SYNCRIP: variants seen among roughly 807,000 people sequenced by gnomAD.
The protein encoded by SYNCRIP is synaptotagmin binding cytoplasmic RNA interacting protein.
In SYNCRIP, 9 loss-of-function variants were observed where a neutral mutation model predicts 68.9. The observed-to-expected ratio is 0.13, with a 90% confidence interval of 0.08 to 0.23. The LOEUF is 0.23. SYNCRIP is among the 10% of genes least tolerant of loss of function. The pLI, the probability that SYNCRIP is intolerant of heterozygous loss-of-function variation, is 1.00. For synonymous variants in SYNCRIP, 258 were observed against 254.0 expected (o/e 1.02, Z -0.15); for missense variants, 414 against 770.6 (o/e 0.54, Z 5.48).
chr6:85,617,282 T>C (rs1562077530), intron 10 of SYNCRIP, among the ~76,000 whole-genome samples: 1 of 152,002 alleles, frequency 6.6e-6, no homozygotes. Flanking sequence ...CCTTTTCAAA[T>C]ATTAACAGAT....
At chr6:85,642,394 G>A (rs1426377720) in intron 1 of SYNCRIP, among the ~76,000 whole-genome samples, 1 of 152,178 alleles carries the variant, frequency 6.6e-6, no homozygotes, top group Non-Finnish European at 1.5e-5. Flanking sequence ...CAGCGTGAGG[G>A]CGTTCAGCGG....
At chr6:85,619,481 C>T (rs886255082) in intron 8 of SYNCRIP, 64 bp from the exon 9 acceptor site, 25 of 1,421,030 alleles carry the variant, frequency 1.8e-5, no homozygotes, top group African/African-American at 1.2e-4. Context: ...GATACCACCA[C>T]CCCACCCTAC....
intron 4 of SYNCRIP, among the ~76,000 whole-genome samples, chr6:85,638,880 G>A (rs1399994282): frequency 1.3e-5 from 2 of 152,108 alleles, no homozygotes; most frequent in Admixed American, 1.3e-4. Flanking sequence ...CTCTAAAAAT[G>A]TCTCTATGCC....
downstream of SYNCRIP, chr6:85,611,485 T>C (rs570198768): frequency 7.2e-5 from 11 of 152,584 alleles, no homozygotes; most frequent in Non-Finnish European, 1.5e-4. Flanking sequence ...TCGTGGTGCC[T>C]ATTGGGTATG....
At chr6:85,630,357 T>C (rs932125742) in intron 6 of SYNCRIP, among the ~76,000 whole-genome samples, 1 of 152,124 alleles carries the variant, frequency 6.6e-6, no homozygotes. Flanking sequence ...CGAGACTCCA[T>C]CTCAAAAACA....
intron 9 of SYNCRIP, 66 bp from the exon 10 acceptor site, chr6:85,619,005 G>T: frequency 6.7e-7 from 1 of 1,486,790 alleles, no homozygotes; most frequent in Non-Finnish European, 9.2e-7. Flanking sequence ...ATTTAAAGTT[G>T]GAATATCATT....
intron 8 of SYNCRIP, among the ~76,000 whole-genome samples, chr6:85,622,138 C>T (rs1319140878): frequency 1.3e-5 from 2 of 152,080 alleles, no homozygotes; most frequent in African/African-American, 2.4e-5. Context: ...CTTTGGAAGG[C>T]CGAGGTAGGT....
chr6:85,617,000 G>A lies in SYNCRIP; in HGVS notation c.1281-1653C>T, dbSNP rs1451209917. ...CAGGAGGACAGAGATGAGAAATCCT[G>A]GTATAGTGGTTAAGAGGGAAAATTA... On this transcript the variant is annotated intron_variant, in intron 10 of 10. Transcript: ENST00000369622. 3.9e-5 allele frequency among the ~76,000 whole-genome samples: 6 copies of A among 152,088 alleles called. No homozygotes were observed. In the South Asian group the frequency reaches 6.2e-4, roughly 16 times the overall value.
chr6:85,609,643 T>C (rs915199703), downstream of SYNCRIP: 3 of 151,942 alleles, frequency 2.0e-5, no homozygotes, highest in African/African-American at 7.2e-5. Flanking sequence ...TGGGAGAATA[T>C]ATCTAACAAA....
chr6:85,639,239 T>C (rs958488088), intron 4 of SYNCRIP, among the ~76,000 whole-genome samples: 8 of 151,788 alleles, frequency 5.3e-5, no homozygotes, highest in African/African-American at 1.9e-4. Flanking sequence ...AACAAAAAAT[T>C]AAGCCACCCC....
chr6:85,624,242 T>C, intron 6 of SYNCRIP, 130 bp from the exon 7 acceptor site: 1 of 831,934 alleles, frequency 1.2e-6, no homozygotes, highest in Non-Finnish European at 1.9e-6. Flanking sequence ...AAGGGAATTA[T>C]GAGGAACAGA....
At chr6:85,643,285 G>A (rs866681294), upstream of SYNCRIP, 1 of 152,016 alleles carries the variant, frequency 6.6e-6, no homozygotes, top group African/African-American at 2.4e-5. Flanking sequence ...CGGTCCCCCA[G>A]TCCCTGCCGA....
intron 8 of SYNCRIP, 52 bp downstream of exon 8, chr6:85,622,430 G>A (rs2128285175): frequency 1.3e-6 from 2 of 1,526,676 alleles, no homozygotes; most frequent in South Asian, 2.2e-5. Context: ...CCCAACCCCG[G>A]CCCTTCTCCC....
At chr6:85,635,675 C>T (rs1396527208) in intron 6 of SYNCRIP, among the ~76,000 whole-genome samples, 1 of 145,978 alleles carries the variant, frequency 6.9e-6, no homozygotes, top group Non-Finnish European at 1.5e-5. Context: ...GAGGCTGAGG[C>T]AGGAGAATCG....
At chr6:85,621,769 A>C (rs1455540392) in intron 8 of SYNCRIP, among the ~76,000 whole-genome samples, 1 of 152,192 alleles carries the variant, frequency 6.6e-6, no homozygotes, top group Non-Finnish European at 1.5e-5. Context: ...TGTAACTGCA[A>C]GCACCTCTGC....
At chr6:85,641,504 G>C (rs1392321201) in intron 1 of SYNCRIP, 53 bp from the exon 2 acceptor site, 1 of 1,527,976 alleles carries the variant, frequency 6.5e-7, no homozygotes. Context: ...AAGAATACAA[G>C]ACAATATGAG....
At chr6:85,633,749 A>G (rs1279774581) in intron 6 of SYNCRIP, among the ~76,000 whole-genome samples, 2 of 151,790 alleles carry the variant, frequency 1.3e-5, no homozygotes, top group Admixed American at 1.3e-4. Flanking sequence ...CAGTGGCATG[A>G]TCACAGGTCA....
intron 2 of SYNCRIP, 79 bp from the exon 3 acceptor site, chr6:85,640,643 A>G (rs1583322736): frequency 3.7e-6 from 3 of 805,292 alleles, no homozygotes; most frequent in Admixed American, 3.0e-5. Flanking sequence ...CAATACAGGT[A>G]CATGTGTGCC....
chr6:85,617,744 T>C (rs1044994657), intron 10 of SYNCRIP, among the ~76,000 whole-genome samples: 2 of 152,242 alleles, frequency 1.3e-5, no homozygotes, highest in African/African-American at 4.8e-5. Context: ...AACAGAAATA[T>C]GTAGAAGCAT....
Sources: gnomAD v4.1 joint callset for allele counts (sites outside exome capture counted in the v4.1 genomes callset) on GRCh38, gnomAD v4.1.1 for gene constraint, MANE v1.5 for transcripts, NCBI Gene and HGNC (gene_info 2026-07-23, HGNC 2026-07-21) for gene names.